FSTL4: variants seen among roughly 807,000 people sequenced by gnomAD.
FSTL4 encodes follistatin-related protein 4.
In FSTL4, 28 loss-of-function variants were observed where a neutral mutation model predicts 78.2. That is an observed-to-expected ratio of 0.36 (90% CI 0.27 to 0.49). The LOEUF (loss-of-function observed/expected upper bound fraction) is 0.49. Ranked by LOEUF, FSTL4 falls within the 20% of genes least tolerant of loss-of-function variation. The pLI is 0.98. For synonymous variants in FSTL4, 422 were observed against 440.5 expected (o/e 0.96, Z 0.53); for missense variants, 922 against 1,084.9 (o/e 0.85, Z 2.11).
intron 6 of FSTL4, among the ~76,000 whole-genome samples, chr5:133,293,677 T>C (rs1033418857): frequency 6.6e-6 from 1 of 152,142 alleles, no homozygotes; most frequent in African/African-American, 2.4e-5. Context: ...ACCGGCCAGA[T>C]GCAGCATCCA....
At chr5:133,702,467 A>G in the FSTL4 span, among the ~76,000 whole-genome samples, 21 of 152,116 alleles carry the variant, frequency 1.4e-4, no homozygotes, top group East Asian at 3.9e-3. Flanking sequence ...GCCTGTTCAC[A>G]CTGTGCTCCA....
chr5:133,789,819 T>C, the FSTL4 span, among the ~76,000 whole-genome samples: 1 of 152,220 alleles, frequency 6.6e-6, no homozygotes, highest in African/African-American at 2.4e-5. Context: ...TCTCTTCTTA[T>C]AAGGACATGA....
At chr5:133,467,314 G>A (rs1040255564) in intron 3 of FSTL4, among the ~76,000 whole-genome samples, 1 of 151,706 alleles carries the variant, frequency 6.6e-6, no homozygotes, top group African/African-American at 2.4e-5. Flanking sequence ...GCATTCCCTG[G>A]GACAGAGGCT....
Position 133,361,577 on chromosome 5 carries a change from TC to T in FSTL4, c.409+39160del, listed in dbSNP as rs538605268. Among the ~76,000 whole-genome samples the T allele has an allele frequency of 1.6e-4, 25 of 152,188 alleles. No individual in the cohort carries two copies. Among genetic ancestry groups the T allele is most frequent in the Non-Finnish European group, 2.9e-4 (20 of 68,026 alleles). ...AGTCTTCTGCTCTTGCTTCCAAATGTCCCTTTTTACCCCAAAAATTTCCCTA... is the reference window on the plus strand; with the variant it reads ...AGTCTTCTGCTCTTGCTTCCAAATGTCCTTTTTACCCCAAAAATTTCCCTA... On this transcript the variant is annotated intron_variant, in intron 4 of 15. Coordinates refer to ENST00000265342, the MANE Select transcript of FSTL4 (RefSeq NM_015082.2). The surrounding 1 kb of genome is among the most constrained non-coding windows in gnomAD (Gnocchi z 4.3).
chr5:133,308,335 A>C (rs1039805630), intron 6 of FSTL4, among the ~76,000 whole-genome samples: 3 of 152,284 alleles, frequency 2.0e-5, no homozygotes, highest in Admixed American at 6.5e-5. Context: ...ATTCAGATAA[A>C]ATTTTTGATG....
At chr5:133,254,162 T>C (rs1752328796) in intron 6 of FSTL4, among the ~76,000 whole-genome samples, 1 of 152,210 alleles carries the variant, frequency 6.6e-6, no homozygotes, top group Non-Finnish European at 1.5e-5. Context: ...GGTGGTTTAG[T>C]TCCCACAATG....
chr5:133,393,807 T>C (rs556562586), intron 4 of FSTL4, among the ~76,000 whole-genome samples: 6 of 152,326 alleles, frequency 3.9e-5, no homozygotes, highest in Non-Finnish European at 7.4e-5. Context: ...GCTCTGTGAG[T>C]TTGGGATGAT....
intron 3 of FSTL4, among the ~76,000 whole-genome samples, chr5:133,491,563 CT>C (rs1303321029): frequency 6.6e-6 from 1 of 151,422 alleles, no homozygotes; most frequent in Non-Finnish European, 1.5e-5. Flanking sequence ...CCACGCCTGG[CT>C]AATTTTTTTG....
intron 4 of FSTL4, among the ~76,000 whole-genome samples, chr5:133,351,136 C>A (rs1024812210): frequency 6.6e-6 from 1 of 152,194 alleles, no homozygotes; most frequent in African/African-American, 2.4e-5. Context: ...TTTCCAGTCC[C>A]TATACCTGAG....
At chr5:133,490,525 C>G (rs1486639787) in intron 3 of FSTL4, among the ~76,000 whole-genome samples, 1 of 152,102 alleles carries the variant, frequency 6.6e-6, no homozygotes. Context: ...AAGGCTATAA[C>G]TTTTCCTCCA....
At chr5:133,257,869 T>A (rs146693563) in intron 6 of FSTL4, among the ~76,000 whole-genome samples, 70 of 152,330 alleles carry the variant, frequency 4.6e-4, no homozygotes, top group African/African-American at 1.6e-3. Context: ...GCTCAAGATA[T>A]TTGCAAAAGG....
the FSTL4 span, among the ~76,000 whole-genome samples, chr5:133,654,127 C>A: frequency 6.6e-6 from 1 of 152,200 alleles, no homozygotes; most frequent in Non-Finnish European, 1.5e-5. Flanking sequence ...GCAGCTCCAG[C>A]CCTTCTCTCA....
At chr5:133,602,531 G>C (rs926379146) in intron 2 of FSTL4, among the ~76,000 whole-genome samples, 1 of 152,152 alleles carries the variant, frequency 6.6e-6, no homozygotes, top group Non-Finnish European at 1.5e-5. Flanking sequence ...TGTTTGCTTT[G>C]CTATTAAATA....
At chr5:133,343,020 G>A (rs1251949743) in intron 4 of FSTL4, among the ~76,000 whole-genome samples, 1 of 152,130 alleles carries the variant, frequency 6.6e-6, no homozygotes, top group Non-Finnish European at 1.5e-5. Context: ...TGGGAGTTGA[G>A]GCCTTTCCTT....
At position 133,312,697 on chromosome 5, in the gene FSTL4, G is replaced by C; in HGVS notation, c.684C>G (p.Asn228Lys). 1 of 1,613,998 alleles carries C rather than the reference G, an allele frequency of 6.2e-7. No homozygotes were observed. Among genetic ancestry groups the C allele is most frequent in the Non-Finnish European group, 8.5e-7 (1 of 1,179,848 alleles). The change falls in exon 6 of 16, where the codon AAC becomes AAG. Residue 228 changes from asparagine (N) to lysine (K), a missense_variant. Transcript: ENST00000265342. ...PGDLLRFDDYNSDSSLTLREF... is the reference protein window; with the variant it reads ...PGDLLRFDDYKSDSSLTLREF... ...CGCGGAGGGTCAGGGAGCTGTCACT[G>C]TTGTAATCGTCAAATCGGAGGAGGT...
At chr5:133,271,097 C>G (rs1316700281) in intron 6 of FSTL4, among the ~76,000 whole-genome samples, 1 of 152,196 alleles carries the variant, frequency 6.6e-6, no homozygotes, top group East Asian at 1.9e-4. Context: ...CTCTGCTTGC[C>G]CGTCTTGAAG....
intron 2 of FSTL4, among the ~76,000 whole-genome samples, chr5:133,570,101 C>A (rs1451902420): frequency 6.6e-6 from 1 of 151,004 alleles, no homozygotes; most frequent in Non-Finnish European, 1.5e-5. Flanking sequence ...CCCAGCTACT[C>A]GGGAGTCTGA....
At chr5:133,729,535 A>T in the FSTL4 span, among the ~76,000 whole-genome samples, 1 of 151,944 alleles carries the variant, frequency 6.6e-6, no homozygotes, top group South Asian at 2.1e-4. Context: ...TCCCCCCAAC[A>T]CCTAACATTG....
chr5:133,680,406 G>T, the FSTL4 span, among the ~76,000 whole-genome samples: 322 of 152,280 alleles, frequency 2.1e-3, 3 homozygotes, highest in South Asian at 8.3e-3. Context: ...TCCTTTCCAA[G>T]GTGGTGGGCC....
Sources: gnomAD v4.1 joint callset for allele counts (sites outside exome capture counted in the v4.1 genomes callset) on GRCh38, gnomAD v4.1.1 for gene constraint, Gnocchi (gnomAD v3.1) non-coding constraint, MANE v1.5 for transcripts, NCBI Gene and HGNC (gene_info 2026-07-23, HGNC 2026-07-21) for gene names.